Variants in CDC42BPG observed in about 807,000 individuals in gnomAD.
The protein encoded by CDC42BPG is serine/threonine-protein kinase MRCK gamma.
Under a neutral mutation model 192.2 loss-of-function variants are expected in CDC42BPG, and 157 were observed. That is an observed-to-expected ratio of 0.82 (90% CI 0.72 to 0.93). The LOEUF is 0.93. Among genes scored for constraint, CDC42BPG ranks in the 40% least tolerant of loss-of-function variants. CDC42BPG has a pLI of 0.00. For missense variants in CDC42BPG, 1,992 were observed against 2,122.1 expected, an observed-to-expected ratio of 0.94 and a Z score of 1.20; for synonymous variants, 981 against 918.5, an observed-to-expected ratio of 1.07 and a Z score of -1.23.
chr11:64,824,667 G>A (rs1289548054), intron 36 of CDC42BPG, 138 bp from the exon 37 acceptor site: 9 of 611,284 alleles, frequency 1.5e-5, no homozygotes, highest in Admixed American at 3.1e-5. Flanking sequence ...GATGTGAGGT[G>A]AGGAGTAGAG....
At chr11:64,843,648 C>A (rs113444386) in intron 1 of CDC42BPG, among the ~76,000 whole-genome samples, 1 of 152,198 alleles carries the variant, frequency 6.6e-6, no homozygotes, top group Admixed American at 6.5e-5. Context: ...CTCCAGCTGG[C>A]GCCAGTGCCC....
intron 3 of CDC42BPG, among the ~76,000 whole-genome samples, chr11:64,841,403 G>T (rs2136407511): frequency 6.7e-6 from 1 of 149,996 alleles, no homozygotes; most frequent in African/African-American, 2.5e-5. Flanking sequence ...AGTGAGCCAA[G>T]ATAGCACCGT....
At position 64,836,705 on chromosome 11, in the gene CDC42BPG, CTGGGGGGGGGG is replaced by C. The variant is rs1219651678; in HGVS notation, c.1384+23_1384+33del. The C allele has an allele frequency of 3.7e-5, 13 of 353,518 alleles. 2 individuals carry two copies. Among genetic ancestry groups the C allele is most frequent in the Non-Finnish European group, 5.0e-5 (12 of 240,210 alleles). 21.9% of individuals were successfully genotyped at this position (353,518 alleles called of 1,614,324 possible). On this transcript the variant is annotated intron_variant, in intron 11 of 36. Transcript: ENST00000342711. ...ACCCGAGCCCAGGTGGGACTCAGCCCTGGGGGGGGGGGGGGGGTGGGCGGAAGGGATACCTG... is the reference window on the plus strand; with the variant it reads ...ACCCGAGCCCAGGTGGGACTCAGCCCGGGGGGTGGGCGGAAGGGATACCTG...
intron 28 of CDC42BPG, among the ~76,000 whole-genome samples, chr11:64,830,742 T>C (rs1250940266): frequency 6.6e-6 from 1 of 152,096 alleles, no homozygotes; most frequent in Non-Finnish European, 1.5e-5. Context: ...CATGCCTCTT[T>C]CCCAGCCTTA....
Position 64,829,903 on chromosome 11 carries a change from A to G in CDC42BPG, c.3535T>C (p.Cys1179Arg). The G allele has an allele frequency of 5.6e-6, 9 of 1,609,676 alleles. No homozygotes were observed. Among genetic ancestry groups the G allele is most frequent in the Non-Finnish European group, 7.6e-6 (9 of 1,178,572 alleles). The change falls in exon 30 of 37, where the codon TGC becomes CGC. Residue 1179 changes from cysteine (C) to arginine (R), a missense_variant. By Grantham distance (180) the Cys-to-Arg change is radical. Transcript: ENST00000342711. The part of the protein sequence containing the change: ...AGAKIPESRG[C>R]QVLAAGSILQ... ...ATGCTTCCAGCTGCCAGCACCTGGC[A>G]GCCTCGAGACTCGGGGATCTTGGCA... is the stretch of plus-strand genomic sequence containing the variant.
intron 3 of CDC42BPG, 133 bp from the exon 4 acceptor site, chr11:64,840,781 T>C (rs139041677): frequency 8.1e-6 from 6 of 743,400 alleles, no homozygotes; most frequent in African/African-American, 3.4e-5. Context: ...TACTGTCCCC[T>C]GTCTGGCTGC....
Position 64,838,745 on chromosome 11 carries a change from A to C in CDC42BPG, c.1034T>G (p.Leu345Arg), listed in dbSNP as rs1252171694. Residue 345 changes from leucine to arginine, a missense_variant, in exon 8 of 37, where the codon CTG becomes CGG. This residue lies in a region of CDC42BPG where 1,656 missense variants were observed against 1,844.3 expected (regional missense o/e 0.90). Transcript: ENST00000342711. The stretch of plus-strand genomic sequence containing the variant: ...AATATAGGGGGCCGTGCTGCTCGCC[A>C]GCCGCTCCCAGTCCACGCCTTCGAA... ...PFFEGVDWER[L>R]ASSTAPYIPE... 1 of 1,612,922 alleles carries C rather than the reference A, an allele frequency of 6.2e-7. No individual in the cohort carries two copies. The highest frequency in any genetic ancestry group is 2.2e-5 in the East Asian group (1 of 44,900).
Position 64,829,930 on chromosome 11 carries a change from C to T in CDC42BPG, c.3508G>A (p.Gly1170Ser), listed in dbSNP as rs1212457969. Reference protein sequence around the residue: ...LAELENIEVAGAKIPESRGCQ... With the variant: ...LAELENIEVASAKIPESRGCQ... ...CCTCGAGACTCGGGGATCTTGGCAC[C>T]TGCTACCTCTATGTTCTCCAGCTCC... The change falls in exon 30 of 37, where the codon GGT becomes AGT. Residue 1170 changes from glycine (G) to serine (S), a missense_variant. Coordinates refer to ENST00000342711, the MANE Select transcript of CDC42BPG (RefSeq NM_017525.3). 6.2e-7 allele frequency: 1 copy of T among 1,611,388 alleles called. No individual in the cohort carries two copies. The highest frequency in any genetic ancestry group is 8.5e-7 in the Non-Finnish European group (1 of 1,179,382).
At chr11:64,830,896 G>T (rs1484351277) in intron 28 of CDC42BPG, among the ~76,000 whole-genome samples, 1 of 152,230 alleles carries the variant, frequency 6.6e-6, no homozygotes, top group African/African-American at 2.4e-5. Context: ...AGACAGCCAG[G>T]ACTGAACCTT....
At chr11:64,825,518 G>A (rs1315643164) in intron 36 of CDC42BPG, among the ~76,000 whole-genome samples, 1 of 152,178 alleles carries the variant, frequency 6.6e-6, no homozygotes, top group African/African-American at 2.4e-5. Flanking sequence ...TTAAGGTGAA[G>A]ATAGAGAAAA....
chr11:64,827,634 C>T (rs1297465078), intron 31 of CDC42BPG, 23 bp from the exon 32 acceptor site: 1 of 1,604,512 alleles, frequency 6.2e-7, no homozygotes, highest in Admixed American at 1.7e-5. Flanking sequence ...GCACAGCGGT[C>T]AGGCCACGCC....
chr11:64,827,427 G>T, intron 32 of CDC42BPG, 29 bp from the exon 33 acceptor site: 2 of 1,608,926 alleles, frequency 1.2e-6, no homozygotes, highest in Non-Finnish European at 1.7e-6. Context: ...GCTGGGCTGT[G>T]CTCACACATT....
chr11:64,829,786 G>A lies in CDC42BPG; in HGVS notation c.3652C>T (p.Arg1218Cys), dbSNP rs540123340. ...GCAGGTGCCTGCAGCTCACGGATGC[G>A]GCGCTGCCAGGGCCCAGGGCCCGGG... ...LGPGPGPWQR[R>C]IRELQAPATV... Residue 1218 changes from arginine to cysteine, a missense_variant, in exon 30 of 37, where the codon CGC (arginine) becomes TGC (cysteine). By Grantham distance (180) the Arg-to-Cys change is radical. Transcript: ENST00000342711. 8.9e-5 allele frequency: 142 copies of A among 1,599,184 alleles called. No homozygotes were observed. The highest frequency in any genetic ancestry group is 1.1e-4 in the Non-Finnish European group (134 of 1,175,030).
chr11:64,828,240 T>C (rs1942525242), intron 30 of CDC42BPG, among the ~76,000 whole-genome samples: 2 of 151,040 alleles, frequency 1.3e-5, no homozygotes, highest in African/African-American at 4.9e-5. Context: ...TTACCCATCA[T>C]GCTAGTTACT....
At chr11:64,826,818 G>A in intron 34 of CDC42BPG, 24 bp from the exon 35 acceptor site, 1 of 1,477,164 alleles carries the variant, frequency 6.8e-7, no homozygotes, top group Non-Finnish European at 9.0e-7. Context: ...GTGCGGAGGG[G>A]CTGGGACTAG....
At chr11:64,835,255 C>T in intron 16 of CDC42BPG, 92 bp downstream of exon 16, 2 of 1,608,282 alleles carry the variant, frequency 1.2e-6, no homozygotes, top group Non-Finnish European at 1.7e-6. Context: ...CCATGTCCAC[C>T]CTGCTCACTG....
At chr11:64,830,426 C>A in intron 28 of CDC42BPG, 170 bp from the exon 29 acceptor site, 1 of 674,300 alleles carries the variant, frequency 1.5e-6, no homozygotes, top group Admixed American at 2.2e-5. Context: ...CAGGCTTTTC[C>A]AGAGGGGTTG....
Position 64,827,327 on chromosome 11 carries a change from G to T in CDC42BPG, c.4222C>A (p.Arg1408Ser). The change falls in exon 33 of 37, where the codon CGC (arginine) becomes AGC (serine). Residue 1408 changes from arginine (R) to serine (S), a missense_variant. Transcript: ENST00000342711. The stretch of plus-strand genomic sequence containing the variant: ...TCCGACACGCGGAAAAAGAAGCGGC[G>T]CTTGCTCTTGGTGCGGAACAGCTGG... ...RRQLFRTKSKRRFFFRVSEEQ... is the reference protein window; with the variant it reads ...RRQLFRTKSKSRFFFRVSEEQ... 2 of 1,614,062 alleles carry T rather than the reference G, an allele frequency of 1.2e-6. No individual in the cohort carries two copies. Among genetic ancestry groups the T allele is most frequent in the Non-Finnish European group, 1.7e-6 (2 of 1,179,968 alleles).
At chr11:64,834,605 ATGCTTTCTAGGCCTGGC>A in intron 18 of CDC42BPG, 28 bp from the exon 19 acceptor site, 1 of 1,525,748 alleles carries the variant, frequency 6.6e-7, no homozygotes, top group Non-Finnish European at 8.8e-7. Flanking sequence ...CCCGTATAAG[ATGCTTTCTAGGCCTGGC>A]TGCCTCAGGG....
Sources: gnomAD v4.1 joint callset for allele counts (sites outside exome capture counted in the v4.1 genomes callset) on GRCh38, gnomAD v4.1.1 for gene constraint, gnomAD v4.1.1 regional missense constraint, MANE v1.5 for transcripts, NCBI Gene and HGNC (gene_info 2026-07-23, HGNC 2026-07-21) for gene names.